The following FAM81A variants were observed in gnomAD, a reference collection of about 807,000 sequenced individuals.
FAM81A encodes the protein protein FAM81A.
A neutral mutation model predicts 46.7 loss-of-function variants in FAM81A; 19 were observed. The observed-to-expected ratio is 0.41, with a 90% confidence interval of 0.28 to 0.60. The LOEUF is 0.60. Among genes scored for constraint, FAM81A ranks in the 20% least tolerant of loss-of-function variants. The pLI, the probability that FAM81A is intolerant of heterozygous loss-of-function variation, is 0.34. For synonymous variants in FAM81A, 183 were observed against 152.9 expected, an observed-to-expected ratio of 1.20 and a Z score of -1.45; for missense variants, 377 against 453.5, an observed-to-expected ratio of 0.83 and a Z score of 1.53.
At chr15:59,412,096 G>A (rs2081123415) in intron 2 of FAM81A, among the ~76,000 whole-genome samples, 1 of 152,026 alleles carries the variant, frequency 6.6e-6, no homozygotes, top group African/African-American at 2.4e-5. Context: ...GCCACAAGGA[G>A]GGCTTCGATT....
intron 1 of FAM81A, among the ~76,000 whole-genome samples, chr15:59,453,666 A>C (rs1053793606): frequency 8.5e-5 from 13 of 152,108 alleles, no homozygotes; most frequent in Admixed American, 8.5e-4. Context: ...GAAGGAAAAC[A>C]GGCAGTAAAA....
chr15:59,519,547 T>C (rs188753600), intron 8 of FAM81A, among the ~76,000 whole-genome samples: 30 of 149,876 alleles, frequency 2.0e-4, no homozygotes, highest in Middle Eastern at 3.4e-3. Flanking sequence ...CTTTTCTTTC[T>C]TCCTTTCTTT....
chr15:59,507,263 A>AG lies in FAM81A; in HGVS notation c.468dup (p.Leu157AlafsTer52). ...TCTGCAGAGCACAAAACGACCTATG[A>AG]GGGGCTCCAGCACTTGAACAAAGAA... On this transcript the variant is annotated frameshift_variant, in exon 5 of 9. Coordinates refer to ENST00000288228, the MANE Select transcript of FAM81A (RefSeq NM_152450.3). LOFTEE classifies it high-confidence loss of function. The AG allele has an allele frequency of 1.2e-6, 2 of 1,611,900 alleles. No homozygotes were observed. The highest frequency in any genetic ancestry group is 1.7e-6 in the Non-Finnish European group (2 of 1,179,002).
chr15:59,503,406 T>C (rs528444817), intron 4 of FAM81A, among the ~76,000 whole-genome samples: 7 of 152,276 alleles, frequency 4.6e-5, no homozygotes, highest in South Asian at 4.1e-4. Context: ...CTAATAAGTT[T>C]CTTTACAGTG....
rs1596461382 is a variant in FAM81A at position 59,414,000 on chromosome 15, C to T, written c.-78+11642C>T. 5.9e-5 allele frequency among the ~76,000 whole-genome samples: 9 copies of T among 152,146 alleles called. No individual in the cohort carries two copies. The South Asian group carries it at 1.9e-3, about 32-fold the overall frequency. On this transcript the variant is annotated intron_variant, in intron 2 of 4. Coordinates refer to the FAM81A transcript ENST00000558348. ...ACAGAATCTCACTCTGTCACCCAGG[C>T]TGGAGAGCAGTGGCATGATCTCGGC...
At chr15:59,404,178 G>A (rs373791518) in intron 2 of FAM81A, among the ~76,000 whole-genome samples, 2 of 151,854 alleles carry the variant, frequency 1.3e-5, no homozygotes, top group African/African-American at 2.4e-5. Flanking sequence ...CACCATGCCC[G>A]GCCTGAATTG....
chr15:59,487,622 A>T (rs2081933914), intron 3 of FAM81A, among the ~76,000 whole-genome samples: 1 of 152,154 alleles, frequency 6.6e-6, no homozygotes, highest in Non-Finnish European at 1.5e-5. Context: ...GGCTACTAGG[A>T]GCAACTATAT....
chr15:59,451,238 TG>T (rs1328076317), intron 1 of FAM81A, among the ~76,000 whole-genome samples: 1 of 152,122 alleles, frequency 6.6e-6, no homozygotes, highest in Non-Finnish European at 1.5e-5. Context: ...CAGATAGACT[TG>T]GGCTTGTGTT....
rs1364821507 is a variant in FAM81A, at chr15:59,438,201, G to T, written c.-159G>T. The T allele has an allele frequency of 6.8e-6, 1 of 146,828 alleles. No homozygotes were observed. The highest frequency in any genetic ancestry group is 2.4e-5 in the African/African-American group (1 of 40,900). The allele number at this position is 146,828 out of a possible 1,614,324, so 9.1% of individuals were successfully genotyped here. On this transcript the variant is annotated 5_prime_UTR_variant, in exon 1 of 9. Coordinates refer to ENST00000288228, the MANE Select transcript of FAM81A (RefSeq NM_152450.3). ...GCGCGGGCCCGCAGCCGGGCGCCCT[G>T]CTCAGCCAGCGCCAGCGGCCGCCGC...
chr15:59,488,449 G>A (rs1174924945), intron 3 of FAM81A, among the ~76,000 whole-genome samples: 5 of 152,104 alleles, frequency 3.3e-5, no homozygotes, highest in Non-Finnish European at 7.3e-5. Flanking sequence ...GAAAGAAAGG[G>A]CATCCAAATT....
At chr15:59,455,645 G>C (rs2081474480) in intron 1 of FAM81A, among the ~76,000 whole-genome samples, 2 of 152,210 alleles carry the variant, frequency 1.3e-5, no homozygotes, top group African/African-American at 4.8e-5. Flanking sequence ...TCTGAATAAT[G>C]TGTCTTGTGA....
intron 3 of FAM81A, among the ~76,000 whole-genome samples, chr15:59,473,965 C>T (rs2081732540): frequency 6.6e-6 from 1 of 152,204 alleles, no homozygotes; most frequent in Admixed American, 6.5e-5. Context: ...GCATAAGCTA[C>T]AGTGCCCAGC....
At chr15:59,465,472 C>T (rs1011062228) in intron 3 of FAM81A, among the ~76,000 whole-genome samples, 1 of 152,092 alleles carries the variant, frequency 6.6e-6, no homozygotes, top group East Asian at 1.9e-4. Context: ...AGGGTTTCAC[C>T]ATGTTGGCTA....
intron 3 of FAM81A, among the ~76,000 whole-genome samples, chr15:59,483,441 A>T (rs770025530): frequency 2.0e-5 from 3 of 152,142 alleles, no homozygotes; most frequent in Non-Finnish European, 4.4e-5. Context: ...AGAAGTTTGA[A>T]AATCCTGAAA....
chr15:59,484,720 C>A (rs4468541), intron 3 of FAM81A, among the ~76,000 whole-genome samples: 5,388 of 152,290 alleles, frequency 0.035, 165 homozygotes, highest in South Asian at 0.14. Flanking sequence ...GGAGAGATTT[C>A]TTCTGCTTGA....
At chr15:59,481,716 C>G (rs771014380) in intron 3 of FAM81A, among the ~76,000 whole-genome samples, 2 of 151,778 alleles carry the variant, frequency 1.3e-5, no homozygotes, top group Non-Finnish European at 2.9e-5. Flanking sequence ...CTTATTATTT[C>G]ATTTAATATT....
intron 3 of FAM81A, among the ~76,000 whole-genome samples, chr15:59,487,217 A>G (rs1596518783): frequency 1.4e-5 from 2 of 146,710 alleles, no homozygotes; most frequent in South Asian, 2.1e-4. Context: ...TATATCTTAT[A>G]TGTATATTAT....
intron 2 of FAM81A, 106 bp downstream of exon 2, chr15:59,458,752 G>A (rs764091252): frequency 9.2e-7 from 1 of 1,086,850 alleles, no homozygotes; most frequent in Non-Finnish European, 1.4e-6. Context: ...TTGTTCAAGG[G>A]CAAGAGAAAC....
At chr15:59,514,080 G>A (rs1369375436) in intron 6 of FAM81A, among the ~76,000 whole-genome samples, 1 of 151,564 alleles carries the variant, frequency 6.6e-6, no homozygotes, top group South Asian at 2.1e-4. Flanking sequence ...TTGGGGGCAT[G>A]GGGGGGGCAA....
Sources: gnomAD v4.1 joint callset for allele counts (sites outside exome capture counted in the v4.1 genomes callset) on GRCh38, gnomAD v4.1.1 for gene constraint, MANE v1.5 for transcripts, NCBI Gene and HGNC (gene_info 2026-07-23, HGNC 2026-07-21) for gene names.